Variants in CSMD1 observed in about 807,000 individuals in gnomAD.
CSMD1 encodes the protein CUB and sushi domain-containing protein 1.
In CSMD1, 213 loss-of-function variants were observed where a neutral mutation model predicts 417.5. That is an observed-to-expected ratio of 0.51 (90% confidence interval 0.46 to 0.57). The LOEUF (loss-of-function observed/expected upper bound fraction) is 0.57, where lower values mean the gene tolerates loss of function less well. Among genes scored for constraint, CSMD1 ranks in the 20% least tolerant of loss-of-function variants. The probability of loss-of-function intolerance (pLI) is 0.00; values close to 1 mark genes in which losing one functional copy is unlikely to be tolerated. For synonymous variants in CSMD1, 2,862 were observed against 1,736.8 expected, an observed-to-expected ratio of 1.65 and a Z score of -16.11; for missense variants, 6,923 against 4,529.7, an observed-to-expected ratio of 1.53 and a Z score of -15.17.
chr8:4,501,994 A>T (rs553301816), intron 2 of CSMD1, among the ~76,000 whole-genome samples: 4 of 152,308 alleles, frequency 2.6e-5, no homozygotes, highest in South Asian at 2.1e-4. Context: ...AATAATGGGC[A>T]TGCAAGACTC....
At chr8:3,399,169 G>C (rs1234199799) in intron 16 of CSMD1, among the ~76,000 whole-genome samples, 2 of 152,146 alleles carry the variant, frequency 1.3e-5, no homozygotes, top group African/African-American at 2.4e-5. Flanking sequence ...TCCAGGACTG[G>C]CAGTTCCCCT....
chr8:4,682,223 T>C (rs1272862276), intron 1 of CSMD1, among the ~76,000 whole-genome samples: 2 of 152,106 alleles, frequency 1.3e-5, no homozygotes, highest in Non-Finnish European at 2.9e-5. Flanking sequence ...AGAGATGGGA[T>C]TTCACTATGT....
chr8:4,417,944 C>T (rs974114292), intron 3 of CSMD1, among the ~76,000 whole-genome samples: 3 of 151,928 alleles, frequency 2.0e-5, no homozygotes, highest in Non-Finnish European at 2.9e-5. Flanking sequence ...GCTATAAAAG[C>T]TCTCTTCTAC....
At chr8:3,401,837 A>C (rs920467314) in intron 15 of CSMD1, among the ~76,000 whole-genome samples, 5 of 152,182 alleles carry the variant, frequency 3.3e-5, no homozygotes, top group Non-Finnish European at 5.9e-5. Context: ...ATTCCACCTG[A>C]TGGAGACCAA....
chr8:4,802,273 C>T (rs898873421), intron 1 of CSMD1, among the ~76,000 whole-genome samples: 1 of 152,084 alleles, frequency 6.6e-6, no homozygotes, highest in African/African-American at 2.4e-5. Flanking sequence ...CTGCCTCAGC[C>T]AAGGCTTCGT....
intron 2 of CSMD1, among the ~76,000 whole-genome samples, chr8:4,581,874 G>C (rs542417597): frequency 2.0e-5 from 3 of 152,134 alleles, no homozygotes; most frequent in South Asian, 2.1e-4. Flanking sequence ...ACCTCCTCCA[G>C]ATCTGCTGTG....
In CSMD1 at chr8:3,468,823, G is replaced by C; in HGVS notation, c.1450C>G (p.Leu484Val). 1 of 1,583,896 alleles carries C rather than the reference G, an allele frequency of 6.3e-7. No homozygotes were observed. Among genetic ancestry groups the C allele is most frequent in the Non-Finnish European group, 8.6e-7 (1 of 1,163,948 alleles). The change falls in exon 12 of 70, where the codon CTC becomes GTC. Residue 484 changes from leucine (L) to valine (V), a missense_variant and splice_region_variant. Coordinates refer to ENST00000635120, the MANE Select transcript of CSMD1 (RefSeq NM_033225.6). ...AGGTCAGGAACACTGGATCCCGTGA[G>C]CCTGCAAGAAAGAGAAATGTCAAAG... is the stretch of plus-strand genomic sequence containing the variant. ...VGDTRSVLYV[L>V]TGSSVPDLIV... is the part of the protein sequence containing the mutation.
In CSMD1 at chr8:3,029,489, G is replaced by T. The variant is rs1810190660; in HGVS notation, c.7685C>A (p.Ala2562Asp). 8 of 1,601,858 alleles carry T rather than the reference G, an allele frequency of 5.0e-6. No homozygotes were observed. Among genetic ancestry groups the T allele is most frequent in the Non-Finnish European group, 6.8e-6 (8 of 1,174,192 alleles). The stretch of plus-strand genomic sequence containing the variant: ...CCAGATGACATGTTCTGAGAGCTGA[G>T]CTTCAATGCTGGGGCAAGCGACCGC... ...CKPVACPSIEAQLSEHVIWRL... is the reference protein window; with the variant it reads ...CKPVACPSIEDQLSEHVIWRL... Residue 2562 changes from alanine (A) to aspartate (D), a missense_variant, in exon 51 of 70, where the codon GCT becomes GAT. Ala to Asp is a moderately radical substitution (Grantham distance 126). Transcript: ENST00000635120.
chr8:4,678,728 C>T (rs940123872), intron 1 of CSMD1, among the ~76,000 whole-genome samples: 1 of 152,150 alleles, frequency 6.6e-6, no homozygotes, highest in African/African-American at 2.4e-5. Flanking sequence ...TTGTTAAACA[C>T]ATGTGCTAAT....
At chr8:4,602,137 G>A (rs537616978) in intron 2 of CSMD1, among the ~76,000 whole-genome samples, 1 of 152,120 alleles carries the variant, frequency 6.6e-6, no homozygotes, top group Non-Finnish European at 1.5e-5. Flanking sequence ...TGCTCCCCCA[G>A]TTCCCTAAGG....
chr8:3,676,391 A>G (rs1447651478), intron 7 of CSMD1, among the ~76,000 whole-genome samples: 2 of 152,196 alleles, frequency 1.3e-5, no homozygotes, highest in Non-Finnish European at 2.9e-5. Flanking sequence ...GAAAACTTAT[A>G]TACCAAGCAC....
intron 11 of CSMD1, among the ~76,000 whole-genome samples, chr8:3,474,031 G>C (rs1216361617): frequency 6.6e-6 from 1 of 151,944 alleles, no homozygotes; most frequent in Non-Finnish European, 1.5e-5. Flanking sequence ...CTGCCCCCAT[G>C]ATCCAAACAC....
At chr8:3,502,061 A>T (rs556007684) in intron 10 of CSMD1, among the ~76,000 whole-genome samples, 1 of 152,266 alleles carries the variant, frequency 6.6e-6, no homozygotes, top group Admixed American at 6.5e-5. Flanking sequence ...TGAAATAATC[A>T]TATATCTTGG....
In CSMD1 at chr8:3,815,626, C is replaced by CTTTT. The variant is rs5888995; in HGVS notation, c.819-61588_819-61585dup. Among the ~76,000 whole-genome samples, 72 of 146,472 alleles carry CTTTT rather than the reference C, an allele frequency of 4.9e-4. 1 individual carries two copies. The East Asian group carries it at 0.014, about 28-fold the overall frequency. On this transcript the variant is annotated intron_variant, in intron 5 of 69. Transcript: ENST00000635120. ...AAAATGTCTATCACTGCTAGACTTTCTTTTTTTTTTTTTTTAACAAATAAA... is the reference window on the plus strand; with the variant it reads ...AAAATGTCTATCACTGCTAGACTTTCTTTTTTTTTTTTTTTTTTTAACAAATAAA...
chr8:3,944,149 A>G (rs1254345409), intron 5 of CSMD1, among the ~76,000 whole-genome samples: 1 of 152,190 alleles, frequency 6.6e-6, no homozygotes, highest in Non-Finnish European at 1.5e-5. Context: ...AAGGCTACAC[A>G]GAATTTTTTT....
intron 3 of CSMD1, among the ~76,000 whole-genome samples, chr8:4,260,607 T>C (rs529727594): frequency 6.6e-6 from 1 of 152,204 alleles, no homozygotes; most frequent in South Asian, 2.1e-4. Flanking sequence ...CACATATTTG[T>C]GGTTTTTAGA....
In CSMD1 at chr8:4,942,299, C is replaced by A. The variant is rs28594792; in HGVS notation, c.85+52033G>T. ...GATAAAACTATGATTCAAAAGAATTCCTCTGTGAATTCTTGCCTAACTCTG... is the reference window on the plus strand; with the variant it reads ...GATAAAACTATGATTCAAAAGAATTACTCTGTGAATTCTTGCCTAACTCTG... On this transcript the variant is annotated intron_variant, in intron 1 of 69. Transcript: ENST00000635120. 3.3e-3 allele frequency among the ~76,000 whole-genome samples: 499 copies of A among 152,114 alleles called. 1 individual carries two copies. The highest frequency in any genetic ancestry group is 0.011 in the African/African-American group (459 of 41,496).
At chr8:3,651,771 C>T (rs556774542) in intron 7 of CSMD1, among the ~76,000 whole-genome samples, 1 of 151,930 alleles carries the variant, frequency 6.6e-6, no homozygotes, top group Admixed American at 6.6e-5. Flanking sequence ...CAACAGAGCG[C>T]CTACCACCAT....
chr8:2,997,892 G>C (rs1342467546), intron 54 of CSMD1, 119 bp downstream of exon 54: 6 of 927,520 alleles, frequency 6.5e-6, no homozygotes, highest in East Asian at 2.9e-5. Context: ...TGAATGGTGA[G>C]AGTTTGCAGA....
Sources: gnomAD v4.1 joint callset for allele counts (sites outside exome capture counted in the v4.1 genomes callset) on GRCh38, gnomAD v4.1.1 for gene constraint, MANE v1.5 for transcripts, NCBI Gene and HGNC (gene_info 2026-07-23, HGNC 2026-07-21) for gene names.